The following TMEM131 variants were observed in gnomAD, a reference collection of about 807,000 sequenced individuals.
TMEM131 encodes 2610524E03Rik.
TMEM131 carries 66 observed loss-of-function variants against 211.6 expected under a neutral mutation model. The observed-to-expected ratio is 0.31, with a 90% CI of 0.26 to 0.38. The LOEUF is 0.38. Among genes scored for constraint, TMEM131 ranks in the 10% least tolerant of loss-of-function variants. TMEM131 has a pLI of 1.00. For synonymous variants in TMEM131, 844 were observed against 841.3 expected (o/e 1.00, Z -0.06); for missense variants, 2,036 against 2,299.3 (o/e 0.89, Z 2.34).
At chr2:97,815,367 A>C in intron 12 of TMEM131, 60 bp from the exon 13 acceptor site, 1 of 1,058,366 alleles carries the variant, frequency 9.4e-7, no homozygotes, top group African/African-American at 1.7e-5. Flanking sequence ...GAATTAGTGA[A>C]TTTATGTAAA....
intron 11 of TMEM131, among the ~76,000 whole-genome samples, chr2:97,825,927 AC>A (rs1442896439): frequency 6.6e-6 from 1 of 152,222 alleles, no homozygotes; most frequent in Non-Finnish European, 1.5e-5. Flanking sequence ...CTATCAGACA[AC>A]CGCCTACTTA....
intron 35 of TMEM131, chr2:97,762,553 A>T (rs1398622828): frequency 8.6e-6 from 2 of 233,616 alleles, no homozygotes; most frequent in African/African-American, 4.7e-5. Context: ...TTGTGCCTAC[A>T]CGCAGGTTTA....
chr2:97,910,128 T>C (rs1676233171), intron 2 of TMEM131, among the ~76,000 whole-genome samples: 1 of 152,108 alleles, frequency 6.6e-6, no homozygotes, highest in Admixed American at 6.5e-5. Context: ...TAAAAGATGC[T>C]CAACATCACT....
At chr2:97,900,033 AG>A (rs1475789641) in intron 3 of TMEM131, among the ~76,000 whole-genome samples, 4 of 152,090 alleles carry the variant, frequency 2.6e-5, no homozygotes, top group African/African-American at 9.7e-5. Context: ...CTTACTTTTA[AG>A]GTAGCCTAGT....
intron 36 of TMEM131, chr2:97,761,754 C>A (rs1057363180): frequency 2.9e-4 from 94 of 328,700 alleles, no homozygotes; most frequent in African/African-American, 1.8e-3. Context: ...TGTTCATTGG[C>A]TCACTGAGAA....
intron 1 of TMEM131, among the ~76,000 whole-genome samples, chr2:97,937,483 T>C (rs150832977): frequency 5.8e-4 from 88 of 152,240 alleles, no homozygotes; most frequent in African/African-American, 1.9e-3. Flanking sequence ...TGAAGAATAT[T>C]TGAAGAATAG....
intron 2 of TMEM131, among the ~76,000 whole-genome samples, chr2:97,918,009 C>T (rs1435131331): frequency 3.3e-5 from 5 of 151,610 alleles, no homozygotes; most frequent in African/African-American, 4.9e-5. Flanking sequence ...TGCAGTGGCA[C>T]GATCTCGGCT....
chr2:97,760,488 T>G, intron 38 of TMEM131, 105 bp downstream of exon 38: 1 of 1,092,926 alleles, frequency 9.1e-7, no homozygotes, highest in Non-Finnish European at 1.3e-6. Context: ...TGCCTCCTTG[T>G]AAATTAGGGG....
chr2:97,761,820 A>G, intron 36 of TMEM131: 1 of 511,042 alleles, frequency 2.0e-6, no homozygotes, highest in Non-Finnish European at 3.4e-6. Context: ...GTAAGAATGA[A>G]TGGATTAGAA....
At chr2:97,991,413 G>A (rs1039775030) in intron 1 of TMEM131, among the ~76,000 whole-genome samples, 1 of 152,168 alleles carries the variant, frequency 6.6e-6, no homozygotes, top group African/African-American at 2.4e-5. Flanking sequence ...GTGATCAAAA[G>A]AGGATGTAAC....
chr2:97,814,350 A>G lies in TMEM131; in HGVS notation c.1331T>C (p.Ile444Thr). The G allele has an allele frequency of 6.2e-7, 1 of 1,613,236 alleles. No individual in the cohort carries two copies. Among genetic ancestry groups the G allele is most frequent in the Non-Finnish European group, 8.5e-7 (1 of 1,179,586 alleles). The change falls in exon 14 of 41, where the codon ATC becomes ACC. Residue 444 changes from isoleucine (I) to threonine (T), a missense_variant. Ile to Thr is a moderately conservative substitution (Grantham distance 89). This residue lies in a region of TMEM131 where 1,623 missense variants were observed against 1,805.9 expected (regional missense o/e 0.90). Transcript: ENST00000186436. Reference protein sequence around the residue: ...GFDHAATLFHIRDSPADPVER... With the variant: ...GFDHAATLFHTRDSPADPVER... Reference sequence around the variant, plus strand: ...CACAGGATCAGCAGGGCTGTCTCGGATGTGAAATAATGTTGCAGCATGATC... The same window carrying G: ...CACAGGATCAGCAGGGCTGTCTCGGGTGTGAAATAATGTTGCAGCATGATC...
rs180705238 is a variant in TMEM131 at position 97,899,198 on chromosome 2, T to G, written c.290+9460A>C. Among the ~76,000 whole-genome samples, 9 of 152,296 alleles carry G rather than the reference T, an allele frequency of 5.9e-5. No individual in the cohort carries two copies. The East Asian group carries it at 1.7e-3, about 29-fold the overall frequency. On this transcript the variant is annotated intron_variant, in intron 3 of 40. Transcript: ENST00000186436. ...TCCCTGTCCTAAAGTCTACTTTGTC[T>G]GAGAGTAACATAACCATCCCAGCAT...
chr2:97,932,443 A>G (rs1327933540), intron 1 of TMEM131, among the ~76,000 whole-genome samples: 1 of 152,214 alleles, frequency 6.6e-6, no homozygotes, highest in Non-Finnish European at 1.5e-5. Context: ...TATCAAGACC[A>G]CTCAATATCA....
chr2:97,888,674 C>T (rs1675258728), intron 3 of TMEM131, among the ~76,000 whole-genome samples: 1 of 152,142 alleles, frequency 6.6e-6, no homozygotes, highest in Non-Finnish European at 1.5e-5. Context: ...TCTAACTAAC[C>T]CACCTGATAC....
chr2:97,892,781 G>A (rs1260355293), intron 3 of TMEM131, among the ~76,000 whole-genome samples: 3 of 152,134 alleles, frequency 2.0e-5, no homozygotes. Context: ...TTTTAGACAT[G>A]AGCCTATTTA....
Position 97,757,043 on chromosome 2 carries a change from C to T in TMEM131, c.*56G>A, listed in dbSNP as rs745781328. 9.5e-5 allele frequency: 143 copies of T among 1,502,076 alleles called. No individual in the cohort carries two copies. The African/African-American group carries it at 1.1e-3, about 12-fold the overall frequency. 93.0% of individuals were successfully genotyped at this position (1,502,076 alleles called of 1,614,324 possible). A position where few individuals can be genotyped will look rare whatever the true frequency, so the allele number is the denominator to read the frequency against. On this transcript the variant is annotated 3_prime_UTR_variant, in exon 41 of 41. Transcript: ENST00000186436. ...GAGCCTTAAAAAGATGTCTCAGAAA[C>T]TGGCACATCATGATCTAGACGAGGG...
At chr2:97,933,153 C>G (rs181440752) in intron 1 of TMEM131, among the ~76,000 whole-genome samples, 77 of 152,204 alleles carry the variant, frequency 5.1e-4, no homozygotes, top group Admixed American at 1.7e-3. Flanking sequence ...GATTAAATGG[C>G]CTAACACCAC....
At chr2:97,913,043 A>G (rs1676352209) in intron 2 of TMEM131, 1 of 152,230 alleles carries the variant, frequency 6.6e-6, no homozygotes, top group African/African-American at 2.4e-5. Context: ...AACGTCCAGA[A>G]GCATTTCTCT....
intron 1 of TMEM131, among the ~76,000 whole-genome samples, chr2:97,954,806 C>CAAAAAAAAA (rs778680522): frequency 2.7e-5 from 1 of 37,034 alleles, no homozygotes; most frequent in Non-Finnish European, 4.7e-5. Flanking sequence ...AACTCCATCT[C>CAAAAAAAAA]AAAAAAAAAA....
Sources: allele counts gnomAD v4.1 joint callset (sites outside exome capture counted in the v4.1 genomes callset), GRCh38; gene constraint gnomAD v4.1.1; regional missense constraint gnomAD v4.1.1; transcripts MANE v1.5; gene names NCBI Gene and HGNC (gene_info 2026-07-23, HGNC 2026-07-21).